Variants in TRAPPC9 observed in about 807,000 individuals in gnomAD.
TRAPPC9 encodes the protein IKK2 binding protein.
A neutral mutation model predicts 124.0 loss-of-function variants in TRAPPC9; 83 were observed. The observed-to-expected ratio is 0.67, with a 90% CI of 0.56 to 0.80. The LOEUF (loss-of-function observed/expected upper bound fraction) is 0.80, where lower values mean the gene tolerates loss of function less well. Among genes scored for constraint, TRAPPC9 ranks in the 30% least tolerant of loss-of-function variants. The pLI is 0.00. For synonymous variants in TRAPPC9, 638 were observed against 617.5 expected, an observed-to-expected ratio of 1.03 and a Z score of -0.49; for missense variants, 1,302 against 1,508.3, an observed-to-expected ratio of 0.86 and a Z score of 2.27.
intron 17 of TRAPPC9, among the ~76,000 whole-genome samples, chr8:140,062,898 C>T (rs1365606615): frequency 6.6e-6 from 1 of 152,164 alleles, no homozygotes; most frequent in Non-Finnish European, 1.5e-5. Flanking sequence ...TCTGTTCTCA[C>T]ACTGCTAGAA....
intron 17 of TRAPPC9, chr8:140,094,968 C>T (rs1311599164): frequency 6.6e-6 from 1 of 152,206 alleles, no homozygotes; most frequent in Non-Finnish European, 1.5e-5. Flanking sequence ...TACCAGAGTC[C>T]ATCCATAAAT....
At chr8:140,138,827 G>A (rs1163064508) in intron 17 of TRAPPC9, among the ~76,000 whole-genome samples, 1 of 152,138 alleles carries the variant, frequency 6.6e-6, no homozygotes, top group Non-Finnish European at 1.5e-5. Flanking sequence ...ACAAAATGGG[G>A]GGATTGGTGT....
intron 20 of TRAPPC9, among the ~76,000 whole-genome samples, chr8:139,902,246 C>A (rs1320748500): frequency 6.6e-6 from 1 of 152,304 alleles, no homozygotes; most frequent in Admixed American, 6.5e-5. Context: ...TGTCAAACCC[C>A]GGCCACTTTC....
chr8:140,077,804 G>T (rs181635268), intron 17 of TRAPPC9, among the ~76,000 whole-genome samples: 1 of 152,120 alleles, frequency 6.6e-6, no homozygotes, highest in Admixed American at 6.6e-5. Flanking sequence ...TGTAGAAAAC[G>T]GAAAGGCAGG....
intron 18 of TRAPPC9, among the ~76,000 whole-genome samples, chr8:140,019,542 C>CTTTTTTTTTTTTTTTTTTTTTTTTTTTTT (rs71320340): frequency 2.3e-5 from 1 of 43,860 alleles, no homozygotes. Context: ...TAATTTGTGT[C>CTTTTTTTTTTTTTTTTTTTTTTTTTTTTT]TTTTTTTTTT....
chr8:140,228,344 C>T (rs2063502690), intron 16 of TRAPPC9, among the ~76,000 whole-genome samples: 1 of 152,114 alleles, frequency 6.6e-6, no homozygotes, highest in South Asian at 2.1e-4. Flanking sequence ...CCAAAAAAGC[C>T]CATCTGGTTA....
At chr8:139,921,155 G>GGCTGTAGTCTCCTGAGGC (rs1832479056) in intron 19 of TRAPPC9, among the ~76,000 whole-genome samples, 1 of 152,176 alleles carries the variant, frequency 6.6e-6, no homozygotes, top group African/African-American at 2.4e-5. Flanking sequence ...GGAACCACTC[G>GGCTGTAGTCTCCTGAGGC]GCTGTAGTCT....
chr8:140,028,049 C>G (rs558196388), intron 17 of TRAPPC9, among the ~76,000 whole-genome samples: 2 of 152,228 alleles, frequency 1.3e-5, no homozygotes, highest in South Asian at 4.2e-4. Flanking sequence ...TTCAGTGTCA[C>G]TGCCTTACCT....
intron 5 of TRAPPC9, among the ~76,000 whole-genome samples, chr8:140,424,537 G>A (rs2070355449): frequency 6.6e-6 from 1 of 151,580 alleles, no homozygotes; most frequent in Admixed American, 6.6e-5. Context: ...TCCAGAGACT[G>A]AGGTGGCAGA....
chr8:140,435,761 A>T lies in TRAPPC9; in HGVS notation c.731-521T>A, dbSNP rs945948161. On this transcript the variant is annotated intron_variant, in intron 3 of 22. Coordinates refer to ENST00000438773, the MANE Select transcript of TRAPPC9 (RefSeq NM_001160372.4). ...GAGGTTGTAGTCCTCCCTCTTCCTC[A>T]AAAACAGCCATATTAACTCGCTACA... Among the ~76,000 whole-genome samples, 5 of 152,338 alleles carry T rather than the reference A, an allele frequency of 3.3e-5. No individual in the cohort carries two copies. In the East Asian group the frequency reaches 9.6e-4, roughly 29 times the overall value.
Position 140,258,269 on chromosome 8 carries a change from G to A in TRAPPC9, c.2279-5340C>T, listed in dbSNP as rs556340119. On this transcript the variant is annotated intron_variant, in intron 15 of 22. Coordinates refer to ENST00000438773, the MANE Select transcript of TRAPPC9 (RefSeq NM_001160372.4). ...CAAAAGAGGGAGGGTGACCCTGTGCGACTAATTCTGGACTTGTTCTCCGCG... is the reference window on the plus strand; with the variant it reads ...CAAAAGAGGGAGGGTGACCCTGTGCAACTAATTCTGGACTTGTTCTCCGCG... Among the ~76,000 whole-genome samples, 16 of 152,350 alleles carry A rather than the reference G, an allele frequency of 1.1e-4. No individual in the cohort carries two copies. The East Asian group carries it at 1.3e-3, about 13-fold the overall frequency.
chr8:139,978,587 T>C (rs970189198), intron 19 of TRAPPC9, among the ~76,000 whole-genome samples: 17 of 152,314 alleles, frequency 1.1e-4, no homozygotes, highest in African/African-American at 4.1e-4. Flanking sequence ...CACCGAGCAT[T>C]GCTGCTTGTT....
intron 17 of TRAPPC9, among the ~76,000 whole-genome samples, chr8:140,219,852 A>G (rs1331145063): frequency 6.6e-6 from 1 of 152,234 alleles, no homozygotes; most frequent in Non-Finnish European, 1.5e-5. Context: ...CCCTGGCTCA[A>G]TGTGAGGCCT....
chr8:140,002,974 A>C (rs1838502323), intron 18 of TRAPPC9, among the ~76,000 whole-genome samples: 1 of 151,864 alleles, frequency 6.6e-6, no homozygotes, highest in South Asian at 2.1e-4. Context: ...AAGAAAAAAA[A>C]GCACAACCAA....
At chr8:139,866,587 G>A (rs141322994) in intron 21 of TRAPPC9, among the ~76,000 whole-genome samples, 11 of 152,232 alleles carry the variant, frequency 7.2e-5, no homozygotes, top group South Asian at 2.1e-4. Flanking sequence ...CAGGAAGACC[G>A]ATAAGTTACA....
chr8:140,006,231 G>A (rs1265410342), intron 18 of TRAPPC9, among the ~76,000 whole-genome samples: 1 of 152,100 alleles, frequency 6.6e-6, no homozygotes. Context: ...TTACATTATT[G>A]AAGACAGTAA....
rs1367358240 is a variant in TRAPPC9, at chr8:139,988,483, C to A, written c.2810+243G>T. Among the ~76,000 whole-genome samples the A allele has an allele frequency of 2.0e-5, 3 of 152,078 alleles. No homozygotes were observed. In the East Asian group the frequency reaches 5.8e-4, roughly 29 times the overall value. On this transcript the variant is annotated intron_variant, in intron 19 of 22. Transcript: ENST00000438773. ...GCTGCTGGGTCCTCAAATGTGGGCT[C>A]TGAAAGCACATGTTGCTACTTCCTC...
chr8:140,345,686 C>A (rs1003103416), intron 9 of TRAPPC9, among the ~76,000 whole-genome samples: 6 of 152,206 alleles, frequency 3.9e-5, no homozygotes, highest in Non-Finnish European at 7.3e-5. Flanking sequence ...CCACACATTT[C>A]CAAACTTCCC....
chr8:140,205,217 T>G (rs1261482018), intron 17 of TRAPPC9, among the ~76,000 whole-genome samples: 5 of 152,208 alleles, frequency 3.3e-5, no homozygotes, highest in African/African-American at 7.2e-5. Context: ...ATCACTGGTA[T>G]TCACAAGATA....
Sources: allele counts gnomAD v4.1 joint callset (sites outside exome capture counted in the v4.1 genomes callset), GRCh38; gene constraint gnomAD v4.1.1; transcripts MANE v1.5; gene names NCBI Gene and HGNC (gene_info 2026-07-23, HGNC 2026-07-21).